DISC1: variants seen among roughly 807,000 people sequenced by gnomAD.
DISC1 encodes DISC1 scaffold protein.
A neutral mutation model predicts 84.5 loss-of-function variants in DISC1; 57 were observed. The observed-to-expected ratio is 0.67, with a 90% CI of 0.55 to 0.84. The LOEUF is 0.84. Among genes scored for constraint, DISC1 ranks in the 40% least tolerant of loss-of-function variants. The pLI, the probability that DISC1 is intolerant of heterozygous loss-of-function variation, is 0.00. For missense variants in DISC1, 1,000 were observed against 1,057.8 expected, an observed-to-expected ratio of 0.95 and a Z score of 0.76; for synonymous variants, 411 against 415.2, an observed-to-expected ratio of 0.99 and a Z score of 0.12.
At chr1:231,988,531 G>A (rs1664768938) in intron 10 of DISC1, among the ~76,000 whole-genome samples, 2 of 152,186 alleles carry the variant, frequency 1.3e-5, no homozygotes, top group South Asian at 2.1e-4. Flanking sequence ...ATTAGCGCCT[G>A]TATAAAAGAG....
chr1:231,666,637 T>TGCCCACCCCTCC (rs2062046553), intron 1 of DISC1, among the ~76,000 whole-genome samples: 1 of 152,208 alleles, frequency 6.6e-6, no homozygotes, highest in Admixed American at 6.5e-5. Flanking sequence ...CCAGCCTCTC[T>TGCCCACCCCTCC]GCCCACCCCT....
chr1:231,935,501 T>C (rs1049972108), intron 9 of DISC1, among the ~76,000 whole-genome samples: 5 of 152,180 alleles, frequency 3.3e-5, no homozygotes, highest in African/African-American at 4.8e-5. Context: ...CAATAGATAT[T>C]TCAGGAAACG....
intron 3 of DISC1, among the ~76,000 whole-genome samples, chr1:231,733,366 TG>T (rs2071882544): frequency 8.1e-6 from 1 of 123,462 alleles, no homozygotes. Flanking sequence ...GTGGTGGTAG[TG>T]GTAGTGAGTG....
intron 3 of DISC1, among the ~76,000 whole-genome samples, chr1:231,706,209 G>A (rs200569340): frequency 6.9e-4 from 105 of 152,264 alleles, no homozygotes; most frequent in Non-Finnish European, 1.2e-3. Flanking sequence ...TTTACATAGC[G>A]TCCTTCTCCA....
chr1:231,965,615 C>A (rs148377596), intron 10 of DISC1, among the ~76,000 whole-genome samples: 172 of 152,350 alleles, frequency 1.1e-3, no homozygotes, highest in Admixed American at 2.9e-3. Context: ...CTTGTTATGT[C>A]CTCCTCCTCT....
At chr1:231,695,208 C>G (rs1183099434) in intron 2 of DISC1, among the ~76,000 whole-genome samples, 1 of 152,228 alleles carries the variant, frequency 6.6e-6, no homozygotes, top group Non-Finnish European at 1.5e-5. Flanking sequence ...GGCGATCCTG[C>G]TCTTCATCCG....
Position 231,940,700 on chromosome 1 carries a change from TG to T in DISC1, c.1982-18127del, listed in dbSNP as rs2091273705. On this transcript the variant is annotated intron_variant, in intron 9 of 12. Coordinates refer to ENST00000439617, the MANE Select transcript of DISC1 (RefSeq NM_018662.3). ...GGGAGAAAGGAAAGAAGACACTCAT[TG>T]TAAGCTGTTAGAGATGCTGCGTGTT... Among the ~76,000 whole-genome samples the T allele has an allele frequency of 3.9e-5, 6 of 152,336 alleles. No homozygotes were observed. In the South Asian group the frequency reaches 1.2e-3, roughly 32 times the overall value.
chr1:231,868,179 G>T (rs200185740), intron 9 of DISC1, among the ~76,000 whole-genome samples: 10 of 152,132 alleles, frequency 6.6e-5, no homozygotes, highest in Admixed American at 1.3e-4. Context: ...GAGAGTGCTC[G>T]GTAGCACCTG....
intron 9 of DISC1, among the ~76,000 whole-genome samples, chr1:231,917,808 T>C (rs1027881777): frequency 6.6e-5 from 10 of 152,250 alleles, no homozygotes; most frequent in African/African-American, 2.2e-4. Context: ...TCTTTATTAC[T>C]TAGGGTAAAT....
Position 231,861,724 on chromosome 1 carries a change from G to A in DISC1, c.1981+43207G>A, listed in dbSNP as rs145052174. 8.3e-4 allele frequency among the ~76,000 whole-genome samples: 126 copies of A among 152,218 alleles called. 1 individual carries two copies. Among genetic ancestry groups the A allele is most frequent in the African/African-American group, 2.9e-3 (120 of 41,546 alleles). On this transcript the variant is annotated intron_variant, in intron 9 of 12. Coordinates refer to ENST00000439617, the MANE Select transcript of DISC1 (RefSeq NM_018662.3). ...AGCATGTACAAGAGGTTGCTGTCAC[G>A]TGATAGTTTTCCATTTTCATCTCTT...
At chr1:232,030,517 T>G (rs78677330) in intron 12 of DISC1, among the ~76,000 whole-genome samples, 4,013 of 152,320 alleles carry the variant, frequency 0.026, 71 homozygotes, top group South Asian at 0.052. Context: ...CATCCATGTC[T>G]GGGAAGCCCT....
chr1:231,839,287 T>C (rs906496400), intron 9 of DISC1, among the ~76,000 whole-genome samples: 2 of 152,140 alleles, frequency 1.3e-5, no homozygotes, highest in Non-Finnish European at 2.9e-5. Flanking sequence ...TCACTCTGAG[T>C]ATGTTTCCTC....
At chr1:231,903,594 T>C (rs2088372904) in intron 9 of DISC1, among the ~76,000 whole-genome samples, 1 of 152,130 alleles carries the variant, frequency 6.6e-6, no homozygotes, top group Non-Finnish European at 1.5e-5. Context: ...TCTGAGAAGG[T>C]GCCATTGGAG....
intron 9 of DISC1, among the ~76,000 whole-genome samples, chr1:231,862,369 A>G (rs981311377): frequency 2.0e-5 from 3 of 152,148 alleles, no homozygotes; most frequent in Non-Finnish European, 4.4e-5. Context: ...TAGTGGTGTC[A>G]TATTTGGACT....
intron 6 of DISC1, among the ~76,000 whole-genome samples, chr1:231,787,397 AGAGAGT>A (rs1334935521): frequency 2.0e-5 from 3 of 152,062 alleles, no homozygotes; most frequent in Admixed American, 2.0e-4. Context: ...AGAGGGAAAG[AGAGAGT>A]GAGAGTGAGA....
intron 6 of DISC1, among the ~76,000 whole-genome samples, chr1:231,778,851 C>T (rs530621592): frequency 6.6e-6 from 1 of 152,056 alleles, no homozygotes; most frequent in African/African-American, 2.4e-5. Flanking sequence ...TGAACGGATT[C>T]CCTCTTGGCC....
In DISC1 at chr1:231,767,138, A is replaced by G. The variant is rs1558507719; in HGVS notation, c.1269-2A>G. The stretch of plus-strand genomic sequence containing the variant: ...GTACCAATAGGTATGTGTTGTTTTA[A>G]GGGCCAGCGGAGATGACACCCACAC... On this transcript the variant is annotated splice_acceptor_variant, in intron 4 of 12. Coordinates refer to ENST00000439617, the MANE Select transcript of DISC1 (RefSeq NM_018662.3). LOFTEE classifies it high-confidence loss of function. 2.5e-6 allele frequency: 4 copies of G among 1,614,122 alleles called. No homozygotes were observed. In the Admixed American group the frequency reaches 6.7e-5, roughly 27 times the overall value.
At chr1:231,958,228 C>G (rs1201792855) in intron 9 of DISC1, among the ~76,000 whole-genome samples, 2 of 152,220 alleles carry the variant, frequency 1.3e-5, no homozygotes, top group African/African-American at 2.4e-5. Flanking sequence ...CCTCTTTGAT[C>G]TGCTGAACCA....
chr1:231,756,261 T>C, intron 4 of DISC1, among the ~76,000 whole-genome samples: 1 of 152,232 alleles, frequency 6.6e-6, no homozygotes, highest in East Asian at 1.9e-4. Flanking sequence ...ACACTGCCTC[T>C]CCCTTGAATG....
Sources: gnomAD v4.1 joint callset for allele counts (sites outside exome capture counted in the v4.1 genomes callset) on GRCh38, gnomAD v4.1.1 for gene constraint, MANE v1.5 for transcripts, NCBI Gene and HGNC (gene_info 2026-07-23, HGNC 2026-07-21) for gene names.